RPH3A: variants seen among roughly 807,000 people sequenced by gnomAD.
The protein encoded by RPH3A is rabphilin 3A.
A neutral mutation model predicts 102.2 loss-of-function variants in RPH3A; 48 were observed. The ratio of observed to expected loss-of-function variants is 0.47; its 90% CI spans 0.37 to 0.60. The LOEUF (loss-of-function observed/expected upper bound fraction) is 0.60. Among genes scored for constraint, RPH3A ranks in the 20% least tolerant of loss-of-function variants. RPH3A has a pLI of 0.00. For missense variants in RPH3A, 781 were observed against 910.1 expected (o/e 0.86, Z 1.83); for synonymous variants, 310 against 324.3 (o/e 0.96, Z 0.47).
At chr12:112,730,305 A>C (rs1213253095) in intron 1 of RPH3A, among the ~76,000 whole-genome samples, 1 of 152,242 alleles carries the variant, frequency 6.6e-6, no homozygotes, top group Non-Finnish European at 1.5e-5. Context: ...ATGCACCATT[A>C]GACTTGCTGT....
intron 10 of RPH3A, among the ~76,000 whole-genome samples, chr12:112,873,496 A>G (rs2042741464): frequency 6.6e-6 from 1 of 152,214 alleles, no homozygotes; most frequent in Non-Finnish European, 1.5e-5. Context: ...CCTCACACAC[A>G]GTGTGGAAAT....
chr12:112,887,128 A>G (rs2043014401), intron 16 of RPH3A, among the ~76,000 whole-genome samples: 1 of 152,230 alleles, frequency 6.6e-6, no homozygotes. Flanking sequence ...TGCCTAGTCC[A>G]TGGCCAGCAA....
intron 1 of RPH3A, among the ~76,000 whole-genome samples, chr12:112,698,554 T>C (rs1350099491): frequency 2.0e-5 from 3 of 151,992 alleles, no homozygotes; most frequent in African/African-American, 4.8e-5. Context: ...AAAATAATGA[T>C]AAATTTGACT....
intron 2 of RPH3A, among the ~76,000 whole-genome samples, chr12:112,819,516 C>T (rs2136135709): frequency 6.6e-6 from 1 of 152,298 alleles, no homozygotes; most frequent in African/African-American, 2.4e-5. Flanking sequence ...GGGTCTGAAG[C>T]CAGCAATTGT....
chr12:112,807,677 C>T (rs536762780), intron 2 of RPH3A, among the ~76,000 whole-genome samples: 17 of 151,608 alleles, frequency 1.1e-4, no homozygotes, highest in Non-Finnish European at 1.9e-4. Context: ...GCTCAGTAAA[C>T]ATTAGTCACT....
At chr12:112,701,719 C>A (rs1466923065) in intron 1 of RPH3A, among the ~76,000 whole-genome samples, 1 of 152,140 alleles carries the variant, frequency 6.6e-6, no homozygotes. Context: ...GTCTGTGGTT[C>A]AAGGCCTTGA....
intron 2 of RPH3A, among the ~76,000 whole-genome samples, chr12:112,801,493 C>G (rs2041353006): frequency 6.6e-6 from 1 of 152,226 alleles, no homozygotes. Flanking sequence ...GTCTTCTCAT[C>G]TGAACGATGG....
chr12:112,705,664 A>T (rs1467875070), intron 1 of RPH3A, among the ~76,000 whole-genome samples: 1 of 152,200 alleles, frequency 6.6e-6, no homozygotes, highest in East Asian at 1.9e-4. Context: ...TAAATTTTAA[A>T]TGTTTTGGCA....
intron 1 of RPH3A, among the ~76,000 whole-genome samples, chr12:112,689,541 TA>T (rs2040291540): frequency 6.6e-6 from 1 of 152,248 alleles, no homozygotes; most frequent in Admixed American, 6.5e-5. Flanking sequence ...GGGCTTTTCA[TA>T]GGGACATTTG....
intron 2 of RPH3A, among the ~76,000 whole-genome samples, chr12:112,827,863 G>A (rs541277885): frequency 6.6e-5 from 10 of 150,546 alleles, no homozygotes; most frequent in South Asian, 2.1e-4. Context: ...AAACCTGCAC[G>A]TTCTGCATAT....
chr12:112,861,162 A>T (rs1283271746), intron 5 of RPH3A, among the ~76,000 whole-genome samples: 5 of 152,192 alleles, frequency 3.3e-5, no homozygotes, highest in Non-Finnish European at 1.5e-5. Context: ...GGCTCTATGA[A>T]ACCCTCGGGG....
At chr12:112,875,871 C>T in intron 12 of RPH3A, 130 bp downstream of exon 12, 2 of 666,584 alleles carry the variant, frequency 3.0e-6, no homozygotes. Context: ...ATCTAAACAG[C>T]TCCCCCGAGT....
intron 1 of RPH3A, among the ~76,000 whole-genome samples, chr12:112,619,904 A>AT (rs1304580643): frequency 6.6e-6 from 1 of 152,112 alleles, no homozygotes; most frequent in Non-Finnish European, 1.5e-5. Context: ...AGTCAGACTT[A>AT]TTTTTTCCGA....
intron 1 of RPH3A, among the ~76,000 whole-genome samples, chr12:112,771,734 C>T (rs2040928841): frequency 6.6e-6 from 1 of 152,208 alleles, no homozygotes; most frequent in Non-Finnish European, 1.5e-5. Flanking sequence ...TGTGTTATCG[C>T]ATTTCTAATC....
At chr12:112,773,310 AAG>A (rs776461844) in intron 1 of RPH3A, among the ~76,000 whole-genome samples, 8 of 152,146 alleles carry the variant, frequency 5.3e-5, no homozygotes, top group Non-Finnish European at 1.0e-4. Flanking sequence ...GCCAAAGAGA[AAG>A]AGAAGTAAAA....
chr12:112,731,588 C>A (rs1269058764), intron 1 of RPH3A, among the ~76,000 whole-genome samples: 1 of 152,204 alleles, frequency 6.6e-6, no homozygotes, highest in African/African-American at 2.4e-5. Context: ...TTCCAATCTG[C>A]TCTGTTAAAG....
intron 1 of RPH3A, among the ~76,000 whole-genome samples, chr12:112,656,086 C>T (rs1444815111): frequency 6.6e-6 from 1 of 152,080 alleles, no homozygotes; most frequent in African/African-American, 2.4e-5. Flanking sequence ...CACTTAGGGG[C>T]CATGATGGAC....
chr12:112,814,376 C>T (rs761382872), intron 2 of RPH3A, among the ~76,000 whole-genome samples: 78 of 152,058 alleles, frequency 5.1e-4, no homozygotes, highest in Non-Finnish European at 8.8e-5. Context: ...TTCAGGAAAG[C>T]TCATCACCCT....
At chr12:112,616,565 A>G (rs1407620603) in intron 1 of RPH3A, among the ~76,000 whole-genome samples, 1 of 152,242 alleles carries the variant, frequency 6.6e-6, no homozygotes, top group East Asian at 1.9e-4. Context: ...CTTGGGAGAG[A>G]AAAAGTTTCC....
Sources: allele counts gnomAD v4.1 joint callset (sites outside exome capture counted in the v4.1 genomes callset), GRCh38; gene constraint gnomAD v4.1.1; transcripts MANE v1.5; gene names NCBI Gene and HGNC (gene_info 2026-07-23, HGNC 2026-07-21).